MCC: variants seen among roughly 807,000 people sequenced by gnomAD.
MCC encodes the protein colorectal mutant cancer protein.
Under a neutral mutation model 116.2 loss-of-function variants are expected in MCC, and 90 were observed. The ratio of observed to expected loss-of-function variants is 0.77; its 90% CI spans 0.65 to 0.92. MCC has a LOEUF of 0.92. Among genes scored for constraint, MCC ranks in the 40% least tolerant of loss-of-function variants. MCC has a pLI of 0.00. For synonymous variants in MCC, 578 were observed against 510.5 expected (o/e 1.13, Z -1.78); for missense variants, 1,516 against 1,312.2 (o/e 1.16, Z -2.40).
At chr5:113,091,145 C>T (rs916238801) in intron 8 of MCC, among the ~76,000 whole-genome samples, 7 of 152,234 alleles carry the variant, frequency 4.6e-5, no homozygotes, top group African/African-American at 7.2e-5. Flanking sequence ...CGGAGTCAAC[C>T]TTCAGAAACC....
At chr5:113,107,208 C>CTTT (rs746820475) in intron 6 of MCC, among the ~76,000 whole-genome samples, 4 of 125,064 alleles carry the variant, frequency 3.2e-5, no homozygotes, top group African/African-American at 3.5e-5. Context: ...GCATGTTTTT[C>CTTT]TTTTTTTTTT....
At chr5:113,090,954 C>T (rs552124043) in intron 8 of MCC, among the ~76,000 whole-genome samples, 3 of 152,304 alleles carry the variant, frequency 2.0e-5, no homozygotes, top group South Asian at 2.1e-4. Flanking sequence ...GTGGTGCCAC[C>T]GCAAGCCCAG....
chr5:113,167,661 C>G (rs1760840708), intron 3 of MCC, among the ~76,000 whole-genome samples: 1 of 152,140 alleles, frequency 6.6e-6, no homozygotes, highest in Admixed American at 6.5e-5. Flanking sequence ...GAGACAGGGT[C>G]TCTCTGTCAC....
intron 8 of MCC, among the ~76,000 whole-genome samples, chr5:113,097,451 T>C (rs555461650): frequency 3.2e-4 from 49 of 152,174 alleles, no homozygotes; most frequent in Admixed American, 9.2e-4. Flanking sequence ...ATGATGTTGG[T>C]TTATATTTTT....
At chr5:113,467,662 C>A (rs1409654667) in intron 1 of MCC, among the ~76,000 whole-genome samples, 1 of 152,020 alleles carries the variant, frequency 6.6e-6, no homozygotes, top group Non-Finnish European at 1.5e-5. Flanking sequence ...GACTTGGCGA[C>A]ACGGGCTCTT....
At chr5:113,159,662 A>T (rs939158110) in intron 3 of MCC, among the ~76,000 whole-genome samples, 2 of 152,014 alleles carry the variant, frequency 1.3e-5, no homozygotes, top group Non-Finnish European at 2.9e-5. Context: ...CCCATCCAAG[A>T]CTCCACACCC....
chr5:113,373,264 T>C (rs1462182924), intron 2 of MCC, among the ~76,000 whole-genome samples: 1 of 152,020 alleles, frequency 6.6e-6, no homozygotes, highest in African/African-American at 2.4e-5. Flanking sequence ...TTTCAATGAA[T>C]GAAGGTGTCC....
intron 1 of MCC, among the ~76,000 whole-genome samples, chr5:113,451,405 G>A (rs369205111): frequency 1.3e-5 from 2 of 152,190 alleles, no homozygotes; most frequent in African/African-American, 2.4e-5. Context: ...AACCCTGAGA[G>A]GAAAGCATGT....
At chr5:113,475,563 C>A (rs935239174) in intron 1 of MCC, among the ~76,000 whole-genome samples, 1 of 152,274 alleles carries the variant, frequency 6.6e-6, no homozygotes, top group East Asian at 1.9e-4. Context: ...GAGAAGCTGA[C>A]AGTTAACTGT....
At chr5:113,190,184 T>C (rs1005232650) in intron 3 of MCC, among the ~76,000 whole-genome samples, 4 of 152,216 alleles carry the variant, frequency 2.6e-5, no homozygotes, top group Non-Finnish European at 5.9e-5. Flanking sequence ...ACTAAGTCCA[T>C]AGCTAATAGG....
At chr5:113,433,834 A>G (rs774930580) in intron 1 of MCC, 38 of 1,613,980 alleles carry the variant, frequency 2.4e-5, no homozygotes, top group Non-Finnish European at 2.5e-5. Flanking sequence ...GACTGCCTGG[A>G]CATTTGCATT....
intron 3 of MCC, among the ~76,000 whole-genome samples, chr5:113,232,559 AG>A (rs1763975069): frequency 6.6e-6 from 1 of 152,156 alleles, no homozygotes; most frequent in Non-Finnish European, 1.5e-5. Context: ...TTTACTTGGT[AG>A]TTTTTTCACA....
chr5:113,123,228 T>C (rs1393275544), intron 5 of MCC, among the ~76,000 whole-genome samples: 3 of 152,234 alleles, frequency 2.0e-5, no homozygotes, highest in African/African-American at 7.2e-5. Flanking sequence ...CCCTACAATC[T>C]GGAGGGGCCC....
chr5:113,195,185 G>A (rs1180623876), intron 3 of MCC, among the ~76,000 whole-genome samples: 1 of 152,210 alleles, frequency 6.6e-6, no homozygotes, highest in Non-Finnish European at 1.5e-5. Context: ...AATGGACCTC[G>A]TGAGGGGGTC....
chr5:113,481,016 A>C (rs569327799), intron 1 of MCC, among the ~76,000 whole-genome samples: 19 of 152,292 alleles, frequency 1.2e-4, no homozygotes, highest in African/African-American at 3.6e-4. Context: ...GGTTCAAGAG[A>C]TCCACCTGCC....
At position 113,184,471 on chromosome 5, in the gene MCC, C is replaced by T. The variant is rs1316139271; in HGVS notation, c.628-33049G>A. Among the ~76,000 whole-genome samples the T allele has an allele frequency of 6.4e-5, 8 of 124,622 alleles. No homozygotes were observed. In the South Asian group the frequency reaches 7.6e-4, roughly 12 times the overall value. 81.8% of individuals were successfully genotyped at this position (124,622 alleles called of 152,430 possible). ...CACATAGCAATTTAGTTTCTTTCTT[C>T]GTTTTTTGTTTTTTTTTTTTTTTTT... On this transcript the variant is annotated intron_variant, in intron 3 of 18. Coordinates refer to ENST00000408903, the MANE Select transcript of MCC (RefSeq NM_001085377.2).
rs1048010888 is a variant in MCC at position 113,067,630 on chromosome 5, C to T, written c.2029+450G>A. On this transcript the variant is annotated intron_variant, in intron 13 of 18. Coordinates refer to ENST00000408903, the MANE Select transcript of MCC (RefSeq NM_001085377.2). Reference sequence around the variant, plus strand: ...CAGCCTGGGCAACAAGAGCAAAACTCCATCTCAAAACAAACAAACAAAAAA... The same window carrying T: ...CAGCCTGGGCAACAAGAGCAAAACTTCATCTCAAAACAAACAAACAAAAAA... Among the ~76,000 whole-genome samples, 26 of 152,190 alleles carry T rather than the reference C, an allele frequency of 1.7e-4. 1 individual carries two copies. The highest frequency in any genetic ancestry group is 3.7e-4 in the Non-Finnish European group (25 of 68,024).
intron 3 of MCC, among the ~76,000 whole-genome samples, chr5:113,212,282 C>G (rs1424829786): frequency 1.3e-5 from 2 of 152,168 alleles, no homozygotes; most frequent in Non-Finnish European, 2.9e-5. Context: ...TTTCTCTACA[C>G]CAAGCAGTAT....
chr5:113,327,224 G>A (rs776505801), intron 3 of MCC, among the ~76,000 whole-genome samples: 9 of 152,016 alleles, frequency 5.9e-5, no homozygotes, highest in Non-Finnish European at 1.2e-4. Flanking sequence ...AGATAGGTAT[G>A]TGTGTGTTGG....
Sources: gnomAD v4.1 joint callset for allele counts (sites outside exome capture counted in the v4.1 genomes callset) on GRCh38, gnomAD v4.1.1 for gene constraint, MANE v1.5 for transcripts, NCBI Gene and HGNC (gene_info 2026-07-23, HGNC 2026-07-21) for gene names.